TECRL: variants seen among roughly 807,000 people sequenced by gnomAD.
TECRL encodes trans-2,3-enoyl-CoA reductase-like.
TECRL carries 63 observed loss-of-function variants against 52.8 expected under a neutral mutation model. The observed-to-expected ratio is 1.19, with a 90% CI of 0.97 to 1.47. TECRL has a LOEUF of 1.47. TECRL is among the 40% of genes most tolerant of loss of function. The pLI, the probability that TECRL is intolerant of heterozygous loss-of-function variation, is 0.00. For missense variants in TECRL, 482 were observed against 429.6 expected (o/e 1.12, Z -1.08); for synonymous variants, 164 against 141.9 (o/e 1.16, Z -1.10).
At chr4:64,306,242 T>C (rs963596953) in intron 6 of TECRL, among the ~76,000 whole-genome samples, 13 of 152,156 alleles carry the variant, frequency 8.5e-5, no homozygotes, top group African/African-American at 3.1e-4. Context: ...ATGAGGACTT[T>C]GTCAAAACCT....
chr4:64,282,188 T>C (rs1190378895), intron 9 of TECRL, among the ~76,000 whole-genome samples: 2 of 152,004 alleles, frequency 1.3e-5, no homozygotes, highest in Non-Finnish European at 2.9e-5. Context: ...ACTTTATTTT[T>C]GTTAATTATT....
rs183952372 is a variant in TECRL at position 64,292,153 on chromosome 4, T to A, written c.775-2386A>T. On this transcript the variant is annotated intron_variant, in intron 8 of 11. Coordinates refer to ENST00000381210, the MANE Select transcript of TECRL (RefSeq NM_001010874.5). ...AGTGCTGTAAAACTCAATGCATTGT[T>A]CTATTACTGATTATAATTGCAGAGC... is the stretch of plus-strand genomic sequence containing the variant. 2.9e-3 allele frequency among the ~76,000 whole-genome samples: 444 copies of A among 152,102 alleles called. 1 individual carries two copies. The highest frequency in any genetic ancestry group is 0.01 in the African/African-American group (419 of 41,560).
Position 64,409,365 on chromosome 4 carries a change from A to C in TECRL, c.-14T>G, listed in dbSNP as rs777393388. 16 of 1,609,912 alleles carry C rather than the reference A, an allele frequency of 9.9e-6. No individual in the cohort carries two copies. The highest frequency in any genetic ancestry group is 1.3e-5 in the African/African-American group (1 of 74,812). On this transcript the variant is annotated 5_prime_UTR_variant, in exon 1 of 12. Coordinates refer to ENST00000381210, the MANE Select transcript of TECRL (RefSeq NM_001010874.5). Reference sequence around the variant, plus strand: ...CCTTTTGAACATTGTGTGAACTAAGAGGAGGGTCTGTCATGTCAAAAGTAG... The same window carrying C: ...CCTTTTGAACATTGTGTGAACTAAGCGGAGGGTCTGTCATGTCAAAAGTAG...
intron 2 of TECRL, among the ~76,000 whole-genome samples, chr4:64,371,353 A>C (rs1160265609): frequency 6.6e-6 from 1 of 151,008 alleles, no homozygotes; most frequent in Non-Finnish European, 1.5e-5. Context: ...AATTAATTAC[A>C]TTTAATCAAA....
At chr4:64,372,672 CAAAACGAGAACA>C (rs1210689888) in intron 2 of TECRL, among the ~76,000 whole-genome samples, 2 of 151,196 alleles carry the variant, frequency 1.3e-5, no homozygotes, top group Admixed American at 6.6e-5. Context: ...CAGGATTAAT[CAAAACGAGAACA>C]AAAGATAGAG....
At chr4:64,395,937 G>C (rs1028839264) in intron 1 of TECRL, among the ~76,000 whole-genome samples, 1 of 152,094 alleles carries the variant, frequency 6.6e-6, no homozygotes, top group African/African-American at 2.4e-5. Flanking sequence ...TTGGTTTTCT[G>C]TTCCTCAGTT....
At chr4:64,292,199 G>C (rs1723428700) in intron 8 of TECRL, among the ~76,000 whole-genome samples, 1 of 151,878 alleles carries the variant, frequency 6.6e-6, no homozygotes, top group African/African-American at 2.4e-5. Context: ...TGAAACACCG[G>C]AATATTTCTC....
intron 5 of TECRL, among the ~76,000 whole-genome samples, chr4:64,313,832 A>G (rs1717258222): frequency 6.7e-6 from 1 of 148,732 alleles, no homozygotes; most frequent in African/African-American, 2.5e-5. Flanking sequence ...TTGGATTTTG[A>G]CTTATAAAAA....
chr4:64,289,663 G>A lies in TECRL; in HGVS notation c.832+47C>T, dbSNP rs571104002. 9 of 1,309,636 alleles carry A rather than the reference G, an allele frequency of 6.9e-6. No individual in the cohort carries two copies. The African/African-American group carries it at 1.4e-4, about 21-fold the overall frequency. The allele number at this position is 1,309,636 out of a possible 1,614,324, so 81.1% of individuals were successfully genotyped here. ...TTGAAGTAAGATTATAAAAATAATT[G>A]TTAACATAATTCACTCTAAAGAAAA... is the stretch of plus-strand genomic sequence containing the variant. On this transcript the variant is annotated intron_variant, in intron 9 of 11. Coordinates refer to ENST00000381210, the MANE Select transcript of TECRL (RefSeq NM_001010874.5).
At chr4:64,305,042 G>T in intron 7 of TECRL, 124 bp downstream of exon 7, 2 of 639,862 alleles carry the variant, frequency 3.1e-6, no homozygotes, top group Non-Finnish European at 2.6e-6. Flanking sequence ...AAAGAAATAT[G>T]ATATGAAAGC....
chr4:64,353,081 T>C (rs1387004118), intron 2 of TECRL, among the ~76,000 whole-genome samples: 2 of 152,180 alleles, frequency 1.3e-5, no homozygotes, highest in Admixed American at 6.5e-5. Flanking sequence ...TTTCTAATGA[T>C]GAGCCATAAT....
intron 2 of TECRL, among the ~76,000 whole-genome samples, chr4:64,372,478 C>T (rs191359606): frequency 5.3e-5 from 8 of 151,892 alleles, no homozygotes; most frequent in Admixed American, 5.3e-4. Context: ...ATTACTGTGG[C>T]ATTACTAGAG....
rs181282269 is a variant in TECRL at position 64,320,357 on chromosome 4, A to T, written c.435+2332T>A. On this transcript the variant is annotated intron_variant, in intron 4 of 11. Coordinates refer to ENST00000381210, the MANE Select transcript of TECRL (RefSeq NM_001010874.5). ...ATATTTTTCAATGAACAAGAATGTCATATGTGGTAAAACATTACTTTTGTT... is the reference window on the plus strand; with the variant it reads ...ATATTTTTCAATGAACAAGAATGTCTTATGTGGTAAAACATTACTTTTGTT... Among the ~76,000 whole-genome samples the T allele has an allele frequency of 4.3e-4, 66 of 152,042 alleles. No homozygotes were observed. The East Asian group carries it at 9.7e-3, about 22-fold the overall frequency.
rs767060805 is a variant in TECRL at position 64,322,788 on chromosome 4, C to A, written c.336G>T (p.Gly112=). 1.3e-6 allele frequency: 2 copies of A among 1,592,438 alleles called. No individual in the cohort carries two copies. Among genetic ancestry groups the A allele is most frequent in the Non-Finnish European group, 8.5e-7 (1 of 1,171,846 alleles). ...TGGTAATGTAGTCCTTCAAAAAAGG[C>A]CCGCCTAAAATAAAAATAACAAGAA... ...SRVGLQLECG[G]PFLKDYITIQ... The change falls in exon 4 of 12, where the codon GGG becomes GGT. Residue 112 remains glycine (G), a synonymous_variant. Transcript: ENST00000381210.
chr4:64,381,913 G>A (rs1322330175), intron 1 of TECRL, among the ~76,000 whole-genome samples: 1 of 151,872 alleles, frequency 6.6e-6, no homozygotes. Flanking sequence ...GTGTGCATGT[G>A]TGATCATATG....
intron 4 of TECRL, among the ~76,000 whole-genome samples, chr4:64,317,044 C>T (rs907374774): frequency 7.9e-5 from 12 of 151,988 alleles, no homozygotes; most frequent in Admixed American, 7.2e-4. Flanking sequence ...TTTGGGAGGC[C>T]GAGGCGGGCG....
Position 64,314,622 on chromosome 4 carries a change from TGTGTGTG to T in TECRL, c.551+19_551+25del, listed in dbSNP as rs764969103. On this transcript the variant is annotated intron_variant, in intron 5 of 11. Coordinates refer to ENST00000381210, the MANE Select transcript of TECRL (RefSeq NM_001010874.5). The stretch of plus-strand genomic sequence containing the variant: ...GTGTGTGTGTGTGTGTGTGTGTGTG[TGTGTGTG>T]TGTGTGTGTATCACTTACTGTACCA... The T allele has an allele frequency of 7.7e-6, 9 of 1,162,084 alleles. No individual in the cohort carries two copies. The South Asian group carries it at 1.1e-4, about 14-fold the overall frequency. 72.0% of individuals were successfully genotyped at this position (1,162,084 alleles called of 1,614,324 possible).
intron 2 of TECRL, among the ~76,000 whole-genome samples, chr4:64,359,096 A>G (rs2109605430): frequency 6.6e-6 from 1 of 151,830 alleles, no homozygotes; most frequent in Non-Finnish European, 1.5e-5. Flanking sequence ...AAATTTTTTT[A>G]AAGAGAAAAA....
chr4:64,406,155 C>CGT (rs1553923370), intron 1 of TECRL, among the ~76,000 whole-genome samples: 128 of 100,988 alleles, frequency 1.3e-3, no homozygotes, highest in East Asian at 6.3e-3. Context: ...TAGGCGCGCG[C>CGT]GCGCGCGCGC....
Sources: gnomAD v4.1 joint callset for allele counts (sites outside exome capture counted in the v4.1 genomes callset) on GRCh38, gnomAD v4.1.1 for gene constraint, MANE v1.5 for transcripts, NCBI Gene and HGNC (gene_info 2026-07-23, HGNC 2026-07-21) for gene names.